SGCZ: variants seen among roughly 807,000 people sequenced by gnomAD.
SGCZ encodes zeta-sarcoglycan.
In SGCZ, 40 loss-of-function variants were observed where a neutral mutation model predicts 41.3. That is an observed-to-expected ratio of 0.97 (90% CI 0.75 to 1.26). SGCZ has a LOEUF of 1.26. Ranked by LOEUF, SGCZ falls within the 50% of genes most tolerant of loss-of-function variation. The pLI is 0.00. For missense variants in SGCZ, 552 were observed against 369.8 expected (o/e 1.49, Z -4.04); for synonymous variants, 206 against 137.5 (o/e 1.50, Z -3.49).
intron 3 of SGCZ, among the ~76,000 whole-genome samples, chr8:14,279,917 A>G (rs995612941): frequency 4.0e-5 from 6 of 151,864 alleles, no homozygotes; most frequent in African/African-American, 7.2e-5. Flanking sequence ...TTATTTGTTC[A>G]CTAATATTTT....
At chr8:14,908,533 C>T (rs1799184517) in intron 1 of SGCZ, among the ~76,000 whole-genome samples, 1 of 152,060 alleles carries the variant, frequency 6.6e-6, no homozygotes, top group African/African-American at 2.4e-5. Context: ...GGGAGGATCA[C>T]GAGATCAGCA....
intron 2 of SGCZ, among the ~76,000 whole-genome samples, chr8:14,360,851 A>T (rs1263408781): frequency 2.0e-5 from 3 of 152,054 alleles, no homozygotes; most frequent in Non-Finnish European, 4.4e-5. Context: ...TTTTTTGAGA[A>T]ACCACTTTTT....
chr8:15,201,161 C>T (rs1474696935), intron 1 of SGCZ, among the ~76,000 whole-genome samples: 1 of 152,126 alleles, frequency 6.6e-6, no homozygotes, highest in Non-Finnish European at 1.5e-5. Context: ...GGACTACAGG[C>T]CTGTGCCATC....
At chr8:14,229,956 A>C (rs752044161) in intron 4 of SGCZ, among the ~76,000 whole-genome samples, 6 of 152,138 alleles carry the variant, frequency 3.9e-5, no homozygotes, top group Non-Finnish European at 7.4e-5. Flanking sequence ...TGAAAAATAA[A>C]ACTTTTTATA....
chr8:14,572,784 C>T (rs1192332281), intron 1 of SGCZ, among the ~76,000 whole-genome samples: 1 of 152,080 alleles, frequency 6.6e-6, no homozygotes, highest in Non-Finnish European at 1.5e-5. Context: ...ACTCAACAAG[C>T]TCCAAAAATT....
intron 2 of SGCZ, among the ~76,000 whole-genome samples, chr8:14,326,908 T>C (rs936776238): frequency 2.0e-5 from 3 of 152,086 alleles, no homozygotes; most frequent in African/African-American, 4.8e-5. Flanking sequence ...AGAAACAGAA[T>C]TGACAGTGAG....
chr8:14,657,607 G>A (rs1052460719), intron 1 of SGCZ, among the ~76,000 whole-genome samples: 12 of 151,948 alleles, frequency 7.9e-5, no homozygotes, highest in African/African-American at 2.9e-4. Context: ...CTTAACAGCT[G>A]CCAATTAATA....
At chr8:14,770,573 A>T (rs942837783) in intron 1 of SGCZ, among the ~76,000 whole-genome samples, 1 of 152,064 alleles carries the variant, frequency 6.6e-6, no homozygotes, top group African/African-American at 2.4e-5. Context: ...TATAAAGTAT[A>T]CATATATGGT....
At chr8:14,785,339 T>A (rs546856003) in intron 1 of SGCZ, among the ~76,000 whole-genome samples, 2 of 152,250 alleles carry the variant, frequency 1.3e-5, no homozygotes, top group Non-Finnish European at 2.9e-5. Context: ...AGCTAAAGAA[T>A]GTGAAATATT....
intron 1 of SGCZ, among the ~76,000 whole-genome samples, chr8:14,673,449 TCTCTCTCTCTCTCTCA>T (rs924627590): frequency 6.7e-6 from 1 of 149,762 alleles, no homozygotes; most frequent in African/African-American, 2.4e-5. Context: ...TCGCGCTGTC[TCTCTCTCTCTCTCTCA>T]CTCTCTCTCT....
chr8:15,168,007 C>T (rs979627953), intron 1 of SGCZ, among the ~76,000 whole-genome samples: 8 of 152,208 alleles, frequency 5.3e-5, no homozygotes, highest in African/African-American at 1.9e-4. Flanking sequence ...AGCACAATAA[C>T]ACCCAAATCT....
chr8:14,391,472 A>G (rs1386845351), intron 2 of SGCZ, among the ~76,000 whole-genome samples: 1 of 152,108 alleles, frequency 6.6e-6, no homozygotes, highest in Non-Finnish European at 1.5e-5. Flanking sequence ...TGTAACCCAG[A>G]TTTTGTATTC....
chr8:15,229,487 G>A (rs1194230530), intron 1 of SGCZ, among the ~76,000 whole-genome samples: 2 of 152,110 alleles, frequency 1.3e-5, no homozygotes, highest in Non-Finnish European at 2.9e-5. Flanking sequence ...TTGATTTTAT[G>A]GTGGAAAAGA....
intron 2 of SGCZ, among the ~76,000 whole-genome samples, chr8:14,403,972 C>G (rs1471888576): frequency 6.6e-6 from 1 of 151,846 alleles, no homozygotes; most frequent in Non-Finnish European, 1.5e-5. Context: ...TATTTCAGCT[C>G]CTAAATAGAA....
At chr8:14,430,129 A>G (rs189145711) in intron 2 of SGCZ, among the ~76,000 whole-genome samples, 1 of 150,708 alleles carries the variant, frequency 6.6e-6, no homozygotes, top group Non-Finnish European at 1.5e-5. Context: ...CAAAGAATTG[A>G]TATCAATTCC....
intron 1 of SGCZ, among the ~76,000 whole-genome samples, chr8:14,611,768 C>G (rs994379461): frequency 2.6e-5 from 4 of 151,850 alleles, no homozygotes; most frequent in African/African-American, 7.3e-5. Context: ...GGAAACAATA[C>G]AAATTTATAT....
intron 1 of SGCZ, among the ~76,000 whole-genome samples, chr8:15,210,818 T>C (rs1297430172): frequency 6.6e-6 from 1 of 152,130 alleles, no homozygotes; most frequent in Non-Finnish European, 1.5e-5. Context: ...CAATCTCCTA[T>C]TGGCCGTTTC....
At chr8:14,308,137 C>T (rs1284278219) in intron 3 of SGCZ, among the ~76,000 whole-genome samples, 3 of 152,022 alleles carry the variant, frequency 2.0e-5, no homozygotes, top group Non-Finnish European at 4.4e-5. Context: ...TAGGAGACTA[C>T]TTATTTCTTC....
chr8:14,631,042 A>G (rs1314209698), intron 1 of SGCZ, among the ~76,000 whole-genome samples: 1 of 152,026 alleles, frequency 6.6e-6, no homozygotes, highest in Non-Finnish European at 1.5e-5. Context: ...AATAAAAATA[A>G]ATTTATATGT....
Sources: allele counts gnomAD v4.1 joint callset (sites outside exome capture counted in the v4.1 genomes callset), GRCh38; gene constraint gnomAD v4.1.1; transcripts MANE v1.5; gene names NCBI Gene and HGNC (gene_info 2026-07-23, HGNC 2026-07-21).